Variants in COL6A6 observed in about 807,000 individuals in gnomAD.
COL6A6 encodes collagen type VI alpha 6 chain, also known as collagen alpha-6(VI) chain.
A neutral mutation model predicts 208.6 loss-of-function variants in COL6A6; 183 were observed. The observed-to-expected ratio is 0.88, with a 90% CI of 0.78 to 0.99. The LOEUF (loss-of-function observed/expected upper bound fraction) is 0.99, where lower values mean the gene tolerates loss of function less well. COL6A6 is among the 50% of genes least tolerant of loss of function. The pLI is 0.00. For synonymous variants in COL6A6, 973 were observed against 1,011.8 expected (o/e 0.96, Z 0.73); for missense variants, 2,816 against 2,815.2 (o/e 1.00, Z -0.01).
chr3:130,537,350 A>G (rs1418781509), intron 1 of COL6A6, among the ~76,000 whole-genome samples: 1 of 152,170 alleles, frequency 6.6e-6, no homozygotes, highest in African/African-American at 2.4e-5. Flanking sequence ...CTCTTAGAAT[A>G]ATGGCTGGCA....
At chr3:130,646,826 T>C (rs902632391) in intron 32 of COL6A6, among the ~76,000 whole-genome samples, 5 of 152,188 alleles carry the variant, frequency 3.3e-5, no homozygotes, top group Non-Finnish European at 5.9e-5. Flanking sequence ...TTAAAGAGTA[T>C]GTTGAAAGTA....
At chr3:130,548,879 A>G (rs927063388) in intron 1 of COL6A6, among the ~76,000 whole-genome samples, 35 of 152,156 alleles carry the variant, frequency 2.3e-4, no homozygotes, top group Non-Finnish European at 3.2e-4. Context: ...AGTCTCTCCA[A>G]TGGGGGCAGG....
Position 130,574,154 on chromosome 3 carries a change from G to T in COL6A6, c.3176G>T (p.Gly1059Val). The change falls in exon 8 of 37, where the codon GGT becomes GTT. Residue 1059 changes from glycine (G) to valine (V), a missense_variant. Transcript: ENST00000358511. ...HPEFPLGTFI[G>V]EKEISFQIEN... ...GAGTTTCCACTGGGAACTTTCATAG[G>T]TGAAAAAGAGATATCATTTCAGATT... is the stretch of plus-strand genomic sequence containing the variant. 1.2e-6 allele frequency: 2 copies of T among 1,614,020 alleles called. No individual in the cohort carries two copies. The highest frequency in any genetic ancestry group is 1.7e-6 in the Non-Finnish European group (2 of 1,179,886).
At chr3:130,667,871 T>C (rs189755068) in intron 36 of COL6A6, among the ~76,000 whole-genome samples, 2 of 151,830 alleles carry the variant, frequency 1.3e-5, no homozygotes, top group Admixed American at 6.6e-5. Flanking sequence ...GATTAGGCTA[T>C]TGAAAAACTT....
At chr3:130,534,852 T>C (rs1467907442) in intron 1 of COL6A6, among the ~76,000 whole-genome samples, 3 of 152,180 alleles carry the variant, frequency 2.0e-5, no homozygotes, top group East Asian at 1.9e-4. Flanking sequence ...TAGAAGTAGA[T>C]TTTTTTCTGT....
chr3:130,640,387 T>C (rs2065275235), intron 28 of COL6A6, among the ~76,000 whole-genome samples: 1 of 152,228 alleles, frequency 6.6e-6, no homozygotes, highest in South Asian at 2.1e-4. Flanking sequence ...ATCTACTTAC[T>C]GTCATTTTAG....
intron 2 of COL6A6, among the ~76,000 whole-genome samples, chr3:130,561,186 C>T (rs968445194): frequency 6.6e-6 from 1 of 152,218 alleles, no homozygotes; most frequent in African/African-American, 2.4e-5. Context: ...TTATGTGCCA[C>T]TCATCTACAT....
In COL6A6 at chr3:130,574,154, G is replaced by A. The variant is rs189967525; in HGVS notation, c.3176G>A (p.Gly1059Asp). 117 of 1,614,020 alleles carry A rather than the reference G, an allele frequency of 7.2e-5. No individual in the cohort carries two copies. In the Middle Eastern group the frequency reaches 9.9e-4, roughly 14 times the overall value. Reference protein sequence around the residue: ...HPEFPLGTFIGEKEISFQIEN... With the variant: ...HPEFPLGTFIDEKEISFQIEN... ...GAGTTTCCACTGGGAACTTTCATAG[G>A]TGAAAAAGAGATATCATTTCAGATT... The change falls in exon 8 of 37, where the codon GGT becomes GAT. Residue 1059 changes from glycine (G) to aspartate (D), a missense_variant. Gly to Asp is a moderately conservative substitution (Grantham distance 94, BLOSUM62 -1). Coordinates refer to ENST00000358511, the MANE Select transcript of COL6A6 (RefSeq NM_001102608.3).
chr3:130,580,452 CT>C (rs2063393232), intron 8 of COL6A6, among the ~76,000 whole-genome samples: 1 of 152,268 alleles, frequency 6.6e-6, no homozygotes, highest in Admixed American at 6.5e-5. Flanking sequence ...GTTGCCAACA[CT>C]TGTTTTAAAA....
At chr3:130,641,816 C>G in intron 29 of COL6A6, 102 bp downstream of exon 29, 1 of 588,058 alleles carries the variant, frequency 1.7e-6, no homozygotes. Flanking sequence ...CCTTCTGTCT[C>G]TGCTTCTTGG....
In COL6A6 at chr3:130,589,196, A is replaced by C. The variant is rs560172727; in HGVS notation, c.4218+14A>C. On this transcript the variant is annotated intron_variant, in intron 12 of 36. Transcript: ENST00000358511. ...CCAGGGAAAAGGGTGATTTTAGCTC[A>C]GATTTATGGGTTACTTTGAGTTGTA... 143 of 1,581,530 alleles carry C rather than the reference A, an allele frequency of 9.0e-5. No homozygotes were observed. The highest frequency in any genetic ancestry group is 1.6e-4 in the African/African-American group (12 of 74,414).
At chr3:130,653,028 G>A (rs926585571) in intron 33 of COL6A6, among the ~76,000 whole-genome samples, 10 of 152,226 alleles carry the variant, frequency 6.6e-5, no homozygotes, top group African/African-American at 2.2e-4. Context: ...ATAGTATGAA[G>A]TTGAGTGGCA....
intron 1 of COL6A6, among the ~76,000 whole-genome samples, chr3:130,547,040 C>G (rs192853075): frequency 9.2e-5 from 14 of 152,338 alleles, no homozygotes; most frequent in African/African-American, 3.4e-4. Context: ...GTGGAGCTGC[C>G]CGCCAGTCCT....
At position 130,568,559 on chromosome 3, in the gene COL6A6, C is replaced by T. The variant is rs556475574; in HGVS notation, c.2356C>T (p.Arg786Cys). 7.3e-5 allele frequency: 117 copies of T among 1,607,418 alleles called. No individual in the cohort carries two copies. The highest frequency in any genetic ancestry group is 3.1e-4 in the East Asian group (14 of 44,872). The change falls in exon 6 of 37, where the codon CGC (arginine) becomes TGC (cysteine). Residue 786 changes from arginine (R) to cysteine (C), a missense_variant. Physicochemically the swap from Arg to Cys is radical, Grantham distance 180 (BLOSUM62 -3). Transcript: ENST00000358511. The stretch of plus-strand genomic sequence containing the variant: ...TGTTGAGAATTTTGACATTCTGCAG[C>T]GCATTGAAGATGATCTTGTTTTTGG... ...FYVENFDILQRIEDDLVFGIC... is the reference protein window; with the variant it reads ...FYVENFDILQCIEDDLVFGIC...
intron 1 of COL6A6, among the ~76,000 whole-genome samples, chr3:130,541,257 G>A (rs1403604408): frequency 1.3e-5 from 2 of 152,226 alleles, no homozygotes; most frequent in African/African-American, 2.4e-5. Flanking sequence ...CAGAGCCACA[G>A]TGATCAGATT....
At chr3:130,673,210 A>G (rs1305605944) in intron 36 of COL6A6, among the ~76,000 whole-genome samples, 1 of 122,618 alleles carries the variant, frequency 8.2e-6, no homozygotes, top group Non-Finnish European at 1.5e-5. Flanking sequence ...AAAAAAAACA[A>G]AAAAAACAAA....
rs1410386589 is a variant in COL6A6 at position 130,567,277 on chromosome 3, G to A, written c.1843+15G>A. ...TACTGAAGAAGGTAAGAGAAATCGTGGCTTTACCTACTGACCTTCACTCGC... is the reference window on the plus strand; with the variant it reads ...TACTGAAGAAGGTAAGAGAAATCGTAGCTTTACCTACTGACCTTCACTCGC... On this transcript the variant is annotated intron_variant, in intron 5 of 36. Transcript: ENST00000358511. The A allele has an allele frequency of 1.3e-6, 2 of 1,578,544 alleles. No homozygotes were observed. The highest frequency in any genetic ancestry group is 4.5e-5 in the East Asian group (2 of 44,404).
At chr3:130,584,608 AT>A (rs1160883228) in intron 10 of COL6A6, among the ~76,000 whole-genome samples, 1 of 151,408 alleles carries the variant, frequency 6.6e-6, no homozygotes, top group Non-Finnish European at 1.5e-5. Flanking sequence ...TATTTTTTTT[AT>A]TTTTTAAATT....
chr3:130,565,902 C>A (rs1250558375), intron 4 of COL6A6, among the ~76,000 whole-genome samples: 1 of 152,144 alleles, frequency 6.6e-6, no homozygotes, highest in Non-Finnish European at 1.5e-5. Context: ...ATTTTTCTCT[C>A]TTCTTTTGTC....
Sources: gnomAD v4.1 joint callset for allele counts (sites outside exome capture counted in the v4.1 genomes callset) on GRCh38, gnomAD v4.1.1 for gene constraint, MANE v1.5 for transcripts, NCBI Gene and HGNC (gene_info 2026-07-23, HGNC 2026-07-21) for gene names.